CREBBP: variants seen among roughly 807,000 people sequenced by gnomAD.
CREBBP encodes CREB binding lysine acetyltransferase, also known as CREB-binding protein.
Under a neutral mutation model 265.0 loss-of-function variants are expected in CREBBP, and 19 were observed. The ratio of observed to expected loss-of-function variants is 0.07; its 90% CI spans 0.05 to 0.11. The LOEUF (loss-of-function observed/expected upper bound fraction) is 0.11. Ranked by LOEUF, CREBBP falls within the 10% of genes least tolerant of loss-of-function variation. The probability of loss-of-function intolerance (pLI) is 1.00; values close to 1 mark genes in which losing one functional copy is unlikely to be tolerated. For missense variants in CREBBP, 2,525 were observed against 3,219.0 expected (o/e 0.78, Z 5.22); for synonymous variants, 1,457 against 1,223.7 (o/e 1.19, Z -3.98).
intron 1 of CREBBP, among the ~76,000 whole-genome samples, chr16:3,862,623 A>G (rs1200551114): frequency 6.6e-6 from 1 of 152,202 alleles, no homozygotes; most frequent in Non-Finnish European, 1.5e-5. Context: ...CAAGAAGTCC[A>G]TTCTTCATAT....
rs748802681 is a variant in CREBBP at position 3,850,585 on chromosome 16, C to G, written c.510G>C (p.Gln170His). Residue 170 changes from glutamine (Q) to histidine (H), a missense_variant, in exon 2 of 31, where the codon CAG becomes CAC. Transcript: ENST00000262367. ...CATTCATGCAGATACCAGGTCCAGT[C>G]TGTGACGTGGCAGGGCTGCTAGTCG... Reference protein sequence around the residue: ...GLATSSPATSQTGPGICMNAN... With the variant: ...GLATSSPATSHTGPGICMNAN... 1 of 1,614,252 alleles carries G rather than the reference C, an allele frequency of 6.2e-7. No individual in the cohort carries two copies. Among genetic ancestry groups the G allele is most frequent in the South Asian group, 1.1e-5 (1 of 91,090 alleles).
At chr16:3,845,191 A>C (rs1384291364) in intron 2 of CREBBP, among the ~76,000 whole-genome samples, 2 of 152,240 alleles carry the variant, frequency 1.3e-5, no homozygotes, top group Admixed American at 1.3e-4. Flanking sequence ...CATATCCCCC[A>C]GATTCTAACT....
chr16:3,786,696 G>C (rs1376765011), intron 5 of CREBBP, among the ~76,000 whole-genome samples: 2 of 152,310 alleles, frequency 1.3e-5, no homozygotes, highest in East Asian at 3.9e-4. Context: ...TGTAGGGCTT[G>C]AGTCCACCTG....
rs547057736 is a variant in CREBBP at position 3,726,242 on chromosome 16, G to T, written c.*1476C>A. 4.0e-4 allele frequency: 93 copies of T among 232,312 alleles called. No homozygotes were observed. Among genetic ancestry groups the T allele is most frequent in the East Asian group, 2.4e-4 (4 of 16,358 alleles). The allele number at this position is 232,312 out of a possible 1,614,324, so 14.4% of individuals were successfully genotyped here. A position where few individuals can be genotyped will look rare whatever the true frequency, so the allele number is the denominator to read the frequency against. On this transcript the variant is annotated 3_prime_UTR_variant, in exon 31 of 31. Coordinates refer to ENST00000262367, the MANE Select transcript of CREBBP (RefSeq NM_004380.3). ...CTCAGATTCTGGGAGTCGTGTACGGGGGGGGGGAGCCGCCTGAACACGGGA... is the reference window on the plus strand; with the variant it reads ...CTCAGATTCTGGGAGTCGTGTACGGTGGGGGGGAGCCGCCTGAACACGGGA...
At chr16:3,775,829 C>A (rs928464762) in intron 11 of CREBBP, among the ~76,000 whole-genome samples, 1 of 152,198 alleles carries the variant, frequency 6.6e-6, no homozygotes, top group African/African-American at 2.4e-5. Flanking sequence ...CCAGCAGCAT[C>A]TTCCTATCCA....
chr16:3,791,560 C>T (rs2053507982), intron 5 of CREBBP, among the ~76,000 whole-genome samples: 2 of 152,210 alleles, frequency 1.3e-5, no homozygotes, highest in South Asian at 2.1e-4. Flanking sequence ...AGGATAAGGG[C>T]TTTCCAATTC....
Position 3,782,668 on chromosome 16 carries a change from G to C in CREBBP, c.1573+16C>G, listed in dbSNP as rs748168981. 1 of 1,613,638 alleles carries C rather than the reference G, an allele frequency of 6.2e-7. No individual in the cohort carries two copies. Among genetic ancestry groups the C allele is most frequent in the East Asian group, 2.2e-5 (1 of 44,868 alleles). On this transcript the variant is annotated intron_variant, in intron 6 of 30. Coordinates refer to ENST00000262367, the MANE Select transcript of CREBBP (RefSeq NM_004380.3). Reference sequence around the variant, plus strand: ...TGTGGACAAGTAAGAACGAAGTTGAGAGTTCCTTCACCTACCCAGGGGGTT... The same window carrying C: ...TGTGGACAAGTAAGAACGAAGTTGACAGTTCCTTCACCTACCCAGGGGGTT...
At chr16:3,793,217 C>T (rs1884512211) in intron 4 of CREBBP, among the ~76,000 whole-genome samples, 169 bp downstream of exon 4, 1 of 152,206 alleles carries the variant, frequency 6.6e-6, no homozygotes, top group African/African-American at 2.4e-5. Flanking sequence ...CTTCCTGGAG[C>T]ACCTGACTGT....
rs2151308264 is a variant in CREBBP at position 3,729,261 on chromosome 16, G to A, written c.5786C>T (p.Pro1929Leu). ...CTTCCCTGTGGACACCGTGGTGGGG[G>A]GCTGAGTCCGGGCCACGCTGGGGAA... Reference protein sequence around the residue: ...AGFPSVARTQPPTTVSTGKPT... With the variant: ...AGFPSVARTQLPTTVSTGKPT... Residue 1929 changes from proline to leucine, a missense_variant, in exon 31 of 31, where the codon CCC becomes CTC. Physicochemically the swap from Pro to Leu is moderately conservative, Grantham distance 98. This residue lies in a region of CREBBP where 275 missense variants were observed against 276.5 expected (regional missense o/e 0.99). Coordinates refer to ENST00000262367, the MANE Select transcript of CREBBP (RefSeq NM_004380.3). 1 of 1,529,278 alleles carries A rather than the reference G, an allele frequency of 6.5e-7. No individual in the cohort carries two copies. The highest frequency in any genetic ancestry group is 8.8e-7 in the Non-Finnish European group (1 of 1,142,648). The allele number at this position is 1,529,278 out of a possible 1,614,324, so 94.7% of individuals were successfully genotyped here.
At chr16:3,762,003 C>T (rs2052730874) in intron 16 of CREBBP, among the ~76,000 whole-genome samples, 1 of 152,066 alleles carries the variant, frequency 6.6e-6, no homozygotes, top group Admixed American at 6.6e-5. Context: ...TAATGTTTGG[C>T]AGAAGAAAAA....
intron 14 of CREBBP, among the ~76,000 whole-genome samples, chr16:3,769,662 A>G (rs558404635): frequency 1.3e-5 from 2 of 152,292 alleles, no homozygotes; most frequent in East Asian, 3.9e-4. Context: ...TTTTGAAATT[A>G]ATTCCCTTCA....
In CREBBP at chr16:3,725,326, C is replaced by T. The variant is rs1000458775; in HGVS notation, c.*2392G>A. 4 of 233,294 alleles carry T rather than the reference C, an allele frequency of 1.7e-5. No homozygotes were observed. Among genetic ancestry groups the T allele is most frequent in the South Asian group, 3.6e-4 (2 of 5,528 alleles). The allele number at this position is 233,294 out of a possible 1,614,324, so 14.5% of individuals were successfully genotyped here. On this transcript the variant is annotated 3_prime_UTR_variant, in exon 31 of 31. Transcript: ENST00000262367. ...GACTCCAAAGAGGATGAGGTTGGTA[C>T]ATAACGTTTTGAATTCCAGGATAAC... is the stretch of plus-strand genomic sequence containing the variant.
At chr16:3,729,964 G>A (rs2051867557) in intron 30 of CREBBP, 90 bp from the exon 31 acceptor site, 3 of 1,555,432 alleles carry the variant, frequency 1.9e-6, no homozygotes, top group Admixed American at 3.8e-5. Context: ...GCTAAGTCTG[G>A]GTCTGTGCCA....
chr16:3,728,468 T>C lies in CREBBP; in HGVS notation c.6579A>G (p.Leu2193=), dbSNP rs752281964. 1 of 1,613,948 alleles carries C rather than the reference T, an allele frequency of 6.2e-7. No homozygotes were observed. The highest frequency in any genetic ancestry group is 8.5e-7 in the Non-Finnish European group (1 of 1,179,964). ...ASMNPQYREM[L]RRQLLQQQQQ... Reference sequence around the variant, plus strand: ...GCTGCTGCTGCAGCAGCTGCCTCCGTAACATTTCTCGGTACTGTGGATTCA... The same window carrying C: ...GCTGCTGCTGCAGCAGCTGCCTCCGCAACATTTCTCGGTACTGTGGATTCA... The change falls in exon 31 of 31, where the codon TTA becomes TTG. Residue 2193 remains leucine, a synonymous_variant. Transcript: ENST00000262367. The surrounding 1 kb of genome is among the most constrained non-coding windows in gnomAD (Gnocchi z 8.7).
At chr16:3,856,409 C>T (rs956955356) in intron 1 of CREBBP, among the ~76,000 whole-genome samples, 1 of 152,174 alleles carries the variant, frequency 6.6e-6, no homozygotes, top group Non-Finnish European at 1.5e-5. Context: ...CCGCCCTGCA[C>T]CAAAACACCC....
intron 3 of CREBBP, among the ~76,000 whole-genome samples, chr16:3,804,174 C>T (rs778377780): frequency 2.6e-5 from 4 of 152,058 alleles, no homozygotes; most frequent in African/African-American, 4.8e-5. Context: ...TCTATTCCTA[C>T]GGTCAAAGTG....
chr16:3,868,649 C>A (rs1038818302), intron 1 of CREBBP, among the ~76,000 whole-genome samples: 1 of 152,308 alleles, frequency 6.6e-6, no homozygotes, highest in East Asian at 1.9e-4. Flanking sequence ...CCTCAATGAG[C>A]TCTGGTGTCC....
chr16:3,770,787 G>C lies in CREBBP; in HGVS notation c.2663C>G (p.Pro888Arg), dbSNP rs753048905. Residue 888 changes from proline (P) to arginine (R), a missense_variant, in exon 14 of 31, where the codon CCA (proline) becomes CGA (arginine). Around this residue, in one of 19 missense-constraint regions of CREBBP, gnomAD observed 548 missense variants for 533.0 expected, o/e 1.03. Transcript: ENST00000262367. ...CCCGGAAGACGACACAGGAGTTGAT[G>C]GCTGAGTGGGAGCTGCTGGCTGGGG... ...TPPQPAAPTQ[P>R]STPVSSSGQT... 1 of 1,614,118 alleles carries C rather than the reference G, an allele frequency of 6.2e-7. No individual in the cohort carries two copies. The highest frequency in any genetic ancestry group is 8.5e-7 in the Non-Finnish European group (1 of 1,180,018).
At chr16:3,769,796 G>C (rs1024571562) in intron 14 of CREBBP, among the ~76,000 whole-genome samples, 1 of 152,198 alleles carries the variant, frequency 6.6e-6, no homozygotes, top group Non-Finnish European at 1.5e-5. Context: ...GTAGGAACAC[G>C]GGTGCTGGTG....
Sources: gnomAD v4.1 joint callset for allele counts (sites outside exome capture counted in the v4.1 genomes callset) on GRCh38, gnomAD v4.1.1 for gene constraint, gnomAD v4.1.1 regional missense constraint, Gnocchi (gnomAD v3.1) non-coding constraint, MANE v1.5 for transcripts, NCBI Gene and HGNC (gene_info 2026-07-23, HGNC 2026-07-21) for gene names.